Variants in DOCK3 observed in about 807,000 individuals in gnomAD.
The protein encoded by DOCK3 is dedicator of cytokinesis 3.
In DOCK3, 60 loss-of-function variants were observed where a neutral mutation model predicts 265.6. The observed-to-expected ratio is 0.23, with a 90% CI of 0.18 to 0.28. DOCK3 has a LOEUF of 0.28. Ranked by LOEUF, DOCK3 falls within the 10% of genes least tolerant of loss-of-function variation. DOCK3 has a pLI of 1.00. For missense variants in DOCK3, 1,981 were observed against 2,594.3 expected, an observed-to-expected ratio of 0.76 and a Z score of 5.14; for synonymous variants, 881 against 938.0, an observed-to-expected ratio of 0.94 and a Z score of 1.11.
intron 1 of DOCK3, among the ~76,000 whole-genome samples, chr3:50,695,295 C>G (rs991984382): frequency 2.6e-5 from 4 of 152,226 alleles, no homozygotes; most frequent in African/African-American, 4.8e-5. Context: ...AATTAAGGAG[C>G]CTGTTTTTAC....
intron 27 of DOCK3, among the ~76,000 whole-genome samples, chr3:51,305,516 G>A (rs140550710): frequency 0.012 from 1,798 of 152,074 alleles, 13 homozygotes; most frequent in Non-Finnish European, 0.015. Flanking sequence ...TCCCAACTCC[G>A]TCTTTTAGTT....
chr3:50,939,879 C>T (rs1358390966), intron 5 of DOCK3, among the ~76,000 whole-genome samples: 1 of 151,992 alleles, frequency 6.6e-6, no homozygotes, highest in Non-Finnish European at 1.5e-5. Flanking sequence ...AGCAAGAAAA[C>T]GAGAGATATA....
chr3:50,787,512 G>T (rs953028031), intron 2 of DOCK3: 2 of 535,146 alleles, frequency 3.7e-6, no homozygotes, highest in African/African-American at 1.9e-5. Flanking sequence ...TCCAGCCTGG[G>T]CAACAAGAGT....
At position 50,968,491 on chromosome 3, in the gene DOCK3, C is replaced by G. The variant is rs373863019; in HGVS notation, c.315+34414C>G. ...ATTTGTATAGTTTATTGTAGAATCC[C>G]TCTTGGAATTATTTCTACCTTTATC... On this transcript the variant is annotated intron_variant, in intron 5 of 52. Coordinates refer to ENST00000266037, the MANE Select transcript of DOCK3 (RefSeq NM_004947.5). Among the ~76,000 whole-genome samples the G allele has an allele frequency of 1.9e-3, 287 of 152,006 alleles. 5 individuals carry two copies. The South Asian group carries it at 0.058, about 31-fold the overall frequency.
chr3:51,325,204 A>C (rs775121227), intron 32 of DOCK3, among the ~76,000 whole-genome samples: 1 of 152,156 alleles, frequency 6.6e-6, no homozygotes, highest in Non-Finnish European at 1.5e-5. Context: ...TCTACAAAGA[A>C]CTTAAATTTA....
intron 1 of DOCK3, among the ~76,000 whole-genome samples, chr3:50,704,029 T>A (rs1414521871): frequency 6.6e-6 from 1 of 152,200 alleles, no homozygotes; most frequent in Non-Finnish European, 1.5e-5. Context: ...AATTTCTTTA[T>A]TGACCCAGTG....
intron 35 of DOCK3, among the ~76,000 whole-genome samples, 165 bp downstream of exon 35, chr3:51,333,418 A>G (rs1187912834): frequency 6.6e-6 from 1 of 152,170 alleles, no homozygotes; most frequent in African/African-American, 2.4e-5. Flanking sequence ...GACCAAGGAG[A>G]GACAGAGACT....
chr3:51,159,329 A>C lies in DOCK3; in HGVS notation c.889+25A>C, dbSNP rs755125039. ...GGTACTGTTCACCTTACCCATTCAC[A>C]TGACTAAGAATGGCCCAACTTGGGA... On this transcript the variant is annotated intron_variant, in intron 11 of 52. Transcript: ENST00000266037. 3.1e-6 allele frequency: 5 copies of C among 1,606,588 alleles called. No homozygotes were observed. The East Asian group carries it at 8.9e-5, about 29-fold the overall frequency.
At chr3:50,892,670 A>AATTATGGGAGTCGGCGCCG (rs2048697395) in intron 4 of DOCK3, among the ~76,000 whole-genome samples, 1 of 152,062 alleles carries the variant, frequency 6.6e-6, no homozygotes, top group Non-Finnish European at 1.5e-5. Flanking sequence ...ATGCAGGGGA[A>AATTATGGGAGTCGGCGCCG]GCTAAGAACA....
At chr3:50,868,819 A>G (rs1308325087) in intron 3 of DOCK3, among the ~76,000 whole-genome samples, 2 of 150,718 alleles carry the variant, frequency 1.3e-5, no homozygotes, top group African/African-American at 4.9e-5. Flanking sequence ...ATACTTGCTC[A>G]CAGTAGCCAC....
chr3:51,367,012 G>A lies in DOCK3; in HGVS notation c.5293+4338G>A, dbSNP rs1310659688. ...TGTAGATGTCTATTAGGTCCGTTTGGTGCAGAGCTGAGTTCAATTCCTGGA... is the reference window on the plus strand; with the variant it reads ...TGTAGATGTCTATTAGGTCCGTTTGATGCAGAGCTGAGTTCAATTCCTGGA... On this transcript the variant is annotated intron_variant, in intron 49 of 52. Transcript: ENST00000266037. Among the ~76,000 whole-genome samples, 6 of 152,298 alleles carry A rather than the reference G, an allele frequency of 3.9e-5. No homozygotes were observed. In the South Asian group the frequency reaches 8.3e-4, roughly 21 times the overall value.
chr3:51,253,621 A>G (rs534545815), intron 22 of DOCK3, among the ~76,000 whole-genome samples: 2 of 152,032 alleles, frequency 1.3e-5, no homozygotes, highest in South Asian at 4.1e-4. Context: ...GAATTTATCC[A>G]TTTCTTCTAG....
chr3:50,886,753 TA>T (rs1419274742), intron 3 of DOCK3, among the ~76,000 whole-genome samples: 1 of 151,652 alleles, frequency 6.6e-6, no homozygotes, highest in African/African-American at 2.4e-5. Flanking sequence ...CATCATTTTT[TA>T]TGATGACTAC....
Position 51,117,254 on chromosome 3 carries a change from A to G in DOCK3, c.746+26870A>G, listed in dbSNP as rs553791081. Among the ~76,000 whole-genome samples, 3 of 152,084 alleles carry G rather than the reference A, an allele frequency of 2.0e-5. No homozygotes were observed. The East Asian group carries it at 5.8e-4, about 29-fold the overall frequency. The stretch of plus-strand genomic sequence containing the variant: ...TTTTGTCATTGGTTCTGTGTATGTG[A>G]TGGATTACATTTATTTATTTGTGTA... On this transcript the variant is annotated intron_variant, in intron 9 of 52. Transcript: ENST00000266037.
At chr3:51,263,789 G>T (rs1334049582) in intron 23 of DOCK3, among the ~76,000 whole-genome samples, 1 of 152,166 alleles carries the variant, frequency 6.6e-6, no homozygotes, top group African/African-American at 2.4e-5. Context: ...TGATAAAACA[G>T]ACTTTAAACC....
chr3:51,378,827 C>T (rs2088353226), intron 51 of DOCK3, among the ~76,000 whole-genome samples: 2 of 152,176 alleles, frequency 1.3e-5, no homozygotes, highest in African/African-American at 4.8e-5. Context: ...CAGAAGGGCA[C>T]TCTGTGCTTC....
At chr3:51,136,114 T>G (rs1363452478) in intron 9 of DOCK3, among the ~76,000 whole-genome samples, 1 of 152,158 alleles carries the variant, frequency 6.6e-6, no homozygotes, top group Non-Finnish European at 1.5e-5. Flanking sequence ...TACCTTTTTC[T>G]TCATCTCTAA....
chr3:50,999,283 G>T (rs1240424059), intron 5 of DOCK3, among the ~76,000 whole-genome samples: 1 of 152,186 alleles, frequency 6.6e-6, no homozygotes, highest in African/African-American at 2.4e-5. Context: ...CAAAGAGAGG[G>T]TTCGTTGAAA....
intron 4 of DOCK3, among the ~76,000 whole-genome samples, chr3:50,910,019 G>T (rs894150826): frequency 6.6e-6 from 1 of 151,882 alleles, no homozygotes; most frequent in African/African-American, 2.4e-5. Context: ...TCTGCTATTG[G>T]TACTTGTGAT....
Sources: allele counts gnomAD v4.1 joint callset (sites outside exome capture counted in the v4.1 genomes callset), GRCh38; gene constraint gnomAD v4.1.1; transcripts MANE v1.5; gene names NCBI Gene and HGNC (gene_info 2026-07-23, HGNC 2026-07-21).